The following ELF1 variants were observed in gnomAD, a reference collection of about 807,000 sequenced individuals.
The protein encoded by ELF1 is E74 like ETS transcription factor 1.
In ELF1, 24 loss-of-function variants were observed where a neutral mutation model predicts 59.9. The ratio of observed to expected loss-of-function variants is 0.40; its 90% CI spans 0.29 to 0.56. ELF1 has a LOEUF of 0.56. Ranked by LOEUF, ELF1 falls within the 20% of genes least tolerant of loss-of-function variation. The pLI is 0.44. For synonymous variants in ELF1, 248 were observed against 266.2 expected (o/e 0.93, Z 0.67); for missense variants, 627 against 742.2 (o/e 0.84, Z 1.80).
At chr13:40,992,350 T>C (rs933371073) in intron 1 of ELF1, among the ~76,000 whole-genome samples, 2 of 152,246 alleles carry the variant, frequency 1.3e-5, no homozygotes, top group Non-Finnish European at 2.9e-5. Context: ...ATTCTTTTAA[T>C]ACAGCAATAA....
rs763768134 is a variant in ELF1, at chr13:40,982,030, C to T, written c.25G>A (p.Asp9Asn). 17 of 1,612,332 alleles carry T rather than the reference C, an allele frequency of 1.1e-5. No homozygotes were observed. The highest frequency in any genetic ancestry group is 5.5e-5 in the South Asian group (5 of 90,826). The change falls in exon 2 of 9, where the codon GAC becomes AAC. Residue 9 changes from aspartate to asparagine, a missense_variant. Around this residue, in one of 3 missense-constraint regions of ELF1, gnomAD observed 232 missense variants for 269.2 expected, o/e 0.86. Coordinates refer to ENST00000239882, the MANE Select transcript of ELF1 (RefSeq NM_172373.4). MAAVVQQN[D>N]LVFEFASNVM... ...TTACTAGCAAATTCAAATACTAGGT[C>T]GTTCTGTTGGACAACAGCAGCCATA...
chr13:40,982,215 G>T lies in ELF1; in HGVS notation c.-161C>A. On this transcript the variant is annotated 5_prime_UTR_variant, in exon 2 of 9. Transcript: ENST00000239882. Reference sequence around the variant, plus strand: ...TTAGGGAAGGTGCTTCAGTTTTCCTGGTTCATTGATATTCTAGTCAAATTG... The same window carrying T: ...TTAGGGAAGGTGCTTCAGTTTTCCTTGTTCATTGATATTCTAGTCAAATTG... 4 of 1,299,826 alleles carry T rather than the reference G, an allele frequency of 3.1e-6. No individual in the cohort carries two copies. The highest frequency in any genetic ancestry group is 4.9e-5 in the South Asian group (2 of 40,754). The allele number at this position is 1,299,826 out of a possible 1,614,324, so 80.5% of individuals were successfully genotyped here. A position where few individuals can be genotyped will look rare whatever the true frequency, so the allele number is the denominator to read the frequency against.
intron 1 of ELF1, among the ~76,000 whole-genome samples, chr13:40,999,727 A>G (rs1874318977): frequency 6.6e-6 from 1 of 152,220 alleles, no homozygotes; most frequent in South Asian, 2.1e-4. Flanking sequence ...CAATGTGTAT[A>G]CTGCCCTCCT....
At position 41,019,246 on chromosome 13, in the gene ELF1, T is replaced by C. The variant is rs1249276495; in HGVS notation, c.-247A>G. 2 of 985,346 alleles carry C rather than the reference T, an allele frequency of 2.0e-6. No individual in the cohort carries two copies. The highest frequency in any genetic ancestry group is 2.4e-6 in the Non-Finnish European group (2 of 829,946). The allele number at this position is 985,346 out of a possible 1,614,324, so 61.0% of individuals were successfully genotyped here. On this transcript the variant is annotated 5_prime_UTR_variant, in exon 1 of 9. In the 5' UTR this introduces an upstream ATG that the reference lacks. Coordinates refer to ENST00000239882, the MANE Select transcript of ELF1 (RefSeq NM_172373.4). ...AAGTTACCTTCAAGTATTCTTTCTCTATCGTCTTTTGAGCTTGAAAATAAA... is the reference window on the plus strand; with the variant it reads ...AAGTTACCTTCAAGTATTCTTTCTCCATCGTCTTTTGAGCTTGAAAATAAA...
chr13:40,953,367 C>T (rs549011778), intron 3 of ELF1, among the ~76,000 whole-genome samples: 46 of 152,278 alleles, frequency 3.0e-4, no homozygotes, highest in Admixed American at 3.0e-3. Context: ...CTCAGAATGT[C>T]TTTAAAGAGA....
At chr13:41,009,579 C>G (rs1367529739) in intron 1 of ELF1, among the ~76,000 whole-genome samples, 1 of 152,086 alleles carries the variant, frequency 6.6e-6, no homozygotes, top group Non-Finnish European at 1.5e-5. Context: ...CACAGGGGGG[C>G]TATTTGACTT....
intron 1 of ELF1, among the ~76,000 whole-genome samples, chr13:41,028,325 C>T (rs570117124): frequency 8.5e-5 from 13 of 152,294 alleles, no homozygotes; most frequent in African/African-American, 3.1e-4. Context: ...CAGGAGATCC[C>T]TTGGGGCATC....
intron 5 of ELF1, among the ~76,000 whole-genome samples, chr13:40,946,817 T>C (rs922263105): frequency 2.0e-5 from 3 of 152,076 alleles, no homozygotes; most frequent in East Asian, 1.9e-4. Context: ...CTAGGCAACA[T>C]AGTGAGACCC....
intron 1 of ELF1, among the ~76,000 whole-genome samples, chr13:41,028,532 T>A (rs1876035706): frequency 1.3e-5 from 2 of 152,214 alleles, no homozygotes; most frequent in Non-Finnish European, 2.9e-5. Context: ...CAGTAATCAA[T>A]GCCAGCTATA....
intron 1 of ELF1, among the ~76,000 whole-genome samples, chr13:41,014,757 C>T (rs1815565755): frequency 6.6e-6 from 1 of 152,028 alleles, no homozygotes; most frequent in Admixed American, 6.6e-5. Flanking sequence ...TATCTTCAAA[C>T]AATTCAAATG....
chr13:40,986,276 C>T (rs1030024802), intron 1 of ELF1, among the ~76,000 whole-genome samples: 1 of 152,202 alleles, frequency 6.6e-6, no homozygotes, highest in African/African-American at 2.4e-5. Flanking sequence ...TCAGTCCCCT[C>T]TTTCCATAAA....
At chr13:41,041,686 A>G (rs1191140078) in intron 1 of ELF1, among the ~76,000 whole-genome samples, 1 of 152,126 alleles carries the variant, frequency 6.6e-6, no homozygotes, top group Non-Finnish European at 1.5e-5. Context: ...AGGGGGAAAA[A>G]AAAAGGGCAT....
chr13:40,943,264 G>A (rs990837076), intron 6 of ELF1, 120 bp from the exon 7 acceptor site: 3 of 855,560 alleles, frequency 3.5e-6, no homozygotes, highest in Non-Finnish European at 4.9e-6. Flanking sequence ...ACATAATTCA[G>A]TTAGTATTGG....
intron 1 of ELF1, among the ~76,000 whole-genome samples, chr13:41,033,601 G>C (rs965621981): frequency 1.3e-5 from 2 of 152,212 alleles, no homozygotes; most frequent in Non-Finnish European, 2.9e-5. Flanking sequence ...CCTCCTGTCA[G>C]AGCAGCCAGA....
At chr13:40,990,801 G>C (rs1873809647) in intron 1 of ELF1, among the ~76,000 whole-genome samples, 1 of 143,064 alleles carries the variant, frequency 7.0e-6, no homozygotes, top group Admixed American at 7.4e-5. Context: ...GCAGTGAGCT[G>C]AGATCGCACC....
At chr13:40,997,987 CA>C (rs1219576004) in intron 1 of ELF1, among the ~76,000 whole-genome samples, 3 of 152,094 alleles carry the variant, frequency 2.0e-5, no homozygotes, top group Middle Eastern at 3.4e-3. Context: ...CTCATCTCTA[CA>C]AAAATAAAAA....
intron 8 of ELF1, among the ~76,000 whole-genome samples, chr13:40,940,513 A>G (rs1870086683): frequency 6.6e-6 from 1 of 151,618 alleles, no homozygotes; most frequent in African/African-American, 2.4e-5. Context: ...CGAAGATAGG[A>G]TCTTCCAAGG....
chr13:41,000,236 G>GTTTT (rs1874345744), intron 1 of ELF1, among the ~76,000 whole-genome samples: 1 of 102,170 alleles, frequency 9.8e-6, no homozygotes, highest in Non-Finnish European at 1.9e-5. Context: ...ATTGAACCTG[G>GTTTT]CTTTTTTTTT....
At chr13:41,061,062 C>G (rs913676947) in exon 1 of ELF1, 2 of 195,764 alleles carry the variant, frequency 1.0e-5, no homozygotes, top group African/African-American at 4.7e-5. Flanking sequence ...TGAGGCGAAG[C>G]CTAGCGACTC....
Sources: gnomAD v4.1 joint callset for allele counts (sites outside exome capture counted in the v4.1 genomes callset) on GRCh38, gnomAD v4.1.1 for gene constraint, gnomAD v4.1.1 regional missense constraint, MANE v1.5 for transcripts, NCBI Gene and HGNC (gene_info 2026-07-23, HGNC 2026-07-21) for gene names.